The following SPATA16 variants were observed in gnomAD, a reference collection of about 807,000 sequenced individuals.
SPATA16 encodes spermatogenesis-associated protein 16.
In SPATA16, 36 loss-of-function variants were observed where a neutral mutation model predicts 63.3. The ratio of observed to expected loss-of-function variants is 0.57; its 90% CI spans 0.44 to 0.75. The LOEUF (loss-of-function observed/expected upper bound fraction) is 0.75, where lower values mean the gene tolerates loss of function less well. Ranked by LOEUF, SPATA16 falls within the 30% of genes least tolerant of loss-of-function variation. SPATA16 has a pLI of 0.00. For missense variants in SPATA16, 646 were observed against 679.3 expected (o/e 0.95, Z 0.54); for synonymous variants, 203 against 216.7 (o/e 0.94, Z 0.56).
intron 2 of SPATA16, among the ~76,000 whole-genome samples, chr3:173,104,826 A>G (rs1380007605): frequency 1.3e-5 from 2 of 152,150 alleles, no homozygotes; most frequent in African/African-American, 2.4e-5. Flanking sequence ...CCCTCTCTCT[A>G]TGGACTCTTT....
chr3:173,090,876 A>C (rs1244064368), intron 2 of SPATA16, among the ~76,000 whole-genome samples: 4 of 152,194 alleles, frequency 2.6e-5, no homozygotes, highest in African/African-American at 9.7e-5. Context: ...GCAAGATTGC[A>C]TGTAATCACT....
At chr3:172,928,035 G>C (rs190543619) in intron 6 of SPATA16, among the ~76,000 whole-genome samples, 2 of 151,784 alleles carry the variant, frequency 1.3e-5, no homozygotes, top group East Asian at 3.9e-4. Flanking sequence ...TCAGCCTCCC[G>C]AGTAGCTAGG....
rs147179933 is a variant in SPATA16 at position 173,131,267 on chromosome 3, T to G, written c.-19+9836A>C. On this transcript the variant is annotated intron_variant, in intron 1 of 10. Transcript: ENST00000351008. ...TCGTTCAAACAGTTACACGTTATAC[T>G]CTGCTTATGGGTGGGATGGAGTAGT... Among the ~76,000 whole-genome samples the G allele has an allele frequency of 3.2e-3, 494 of 152,352 alleles. 4 individuals carry two copies. The highest frequency in any genetic ancestry group is 3.5e-3 in the Non-Finnish European group (236 of 68,040).
At chr3:173,068,301 C>T (rs1160343230) in intron 2 of SPATA16, among the ~76,000 whole-genome samples, 2 of 151,970 alleles carry the variant, frequency 1.3e-5, no homozygotes, top group African/African-American at 4.8e-5. Context: ...TAGATATAGA[C>T]AGTATAAAAT....
intron 6 of SPATA16, among the ~76,000 whole-genome samples, chr3:172,934,132 T>C (rs1455778748): frequency 6.6e-6 from 1 of 152,102 alleles, no homozygotes; most frequent in East Asian, 1.9e-4. Context: ...TAATTATTAT[T>C]TTCCCACTTT....
chr3:172,918,183 G>A (rs1186373249), intron 8 of SPATA16, among the ~76,000 whole-genome samples: 3 of 152,312 alleles, frequency 2.0e-5, no homozygotes, highest in East Asian at 1.9e-4. Flanking sequence ...AGGAAAGCAA[G>A]TTGGAGGAGA....
intron 6 of SPATA16, among the ~76,000 whole-genome samples, chr3:172,935,300 C>G (rs1732957308): frequency 6.6e-6 from 1 of 152,042 alleles, no homozygotes; most frequent in Non-Finnish European, 1.5e-5. Context: ...TGCGAATAGC[C>G]ACTCAAAAAT....
chr3:173,012,773 TAACTC>T (rs1480762940), intron 4 of SPATA16, among the ~76,000 whole-genome samples: 2 of 152,128 alleles, frequency 1.3e-5, no homozygotes, highest in Admixed American at 6.5e-5. Flanking sequence ...ACACAAAAAT[TAACTC>T]AAGATGGATT....
At chr3:173,036,486 A>G (rs987906343) in intron 3 of SPATA16, among the ~76,000 whole-genome samples, 1 of 152,084 alleles carries the variant, frequency 6.6e-6, no homozygotes, top group Non-Finnish European at 1.5e-5. Flanking sequence ...AACAGGTAAT[A>G]TTACTAACTC....
chr3:173,042,616 C>T (rs1252543853), intron 3 of SPATA16, among the ~76,000 whole-genome samples: 1 of 152,130 alleles, frequency 6.6e-6, no homozygotes. Context: ...CAATAAAACA[C>T]AAACCTGATA....
intron 8 of SPATA16, among the ~76,000 whole-genome samples, chr3:172,918,637 TAAAG>T (rs1732551759): frequency 6.6e-6 from 1 of 151,886 alleles, no homozygotes; most frequent in African/African-American, 2.4e-5. Context: ...TTTAAGGAAA[TAAAG>T]AAAATAATAA....
chr3:173,075,008 A>AAAAAAAAAG (rs1560114977), intron 2 of SPATA16, among the ~76,000 whole-genome samples: 1 of 146,128 alleles, frequency 6.8e-6, no homozygotes, highest in Non-Finnish European at 1.5e-5. Flanking sequence ...AAAAAAAAAA[A>AAAAAAAAAG]AAAAGGAAAG....
At chr3:173,137,029 C>A (rs1439373857) in intron 1 of SPATA16, among the ~76,000 whole-genome samples, 3 of 152,194 alleles carry the variant, frequency 2.0e-5, no homozygotes, top group South Asian at 4.1e-4. Context: ...TTTAAATAAT[C>A]CCTCTCTACA....
intron 1 of SPATA16, among the ~76,000 whole-genome samples, chr3:173,122,157 G>C (rs1321719720): frequency 6.6e-6 from 1 of 151,770 alleles, no homozygotes; most frequent in Admixed American, 6.6e-5. Context: ...ATATTGACAG[G>C]CAACATTGGA....
chr3:173,117,071 C>G (rs1317734611), intron 2 of SPATA16, 49 bp downstream of exon 2: 1 of 1,578,416 alleles, frequency 6.3e-7, no homozygotes, highest in African/African-American at 1.3e-5. Flanking sequence ...TTGCAACTTT[C>G]CATTTCATAG....
intron 5 of SPATA16, among the ~76,000 whole-genome samples, chr3:172,974,240 C>A (rs1734106700): frequency 6.6e-6 from 1 of 151,802 alleles, no homozygotes; most frequent in Non-Finnish European, 1.5e-5. Context: ...GAAGAATAAC[C>A]AACTAAAATG....
chr3:173,006,328 A>G (rs1257546878), intron 4 of SPATA16, among the ~76,000 whole-genome samples: 1 of 152,262 alleles, frequency 6.6e-6, no homozygotes, highest in African/African-American at 2.4e-5. Flanking sequence ...GAGAATGGTG[A>G]AATGCCTTGA....
chr3:172,984,334 C>T (rs1177940091), intron 4 of SPATA16, among the ~76,000 whole-genome samples: 1 of 152,112 alleles, frequency 6.6e-6, no homozygotes, highest in Non-Finnish European at 1.5e-5. Flanking sequence ...AGTTGTTGCT[C>T]AGTAAATTTT....
intron 2 of SPATA16, among the ~76,000 whole-genome samples, chr3:173,082,163 T>C (rs1410800231): frequency 7.2e-5 from 11 of 152,148 alleles, no homozygotes; most frequent in Admixed American, 5.9e-4. Context: ...CCCCAACATT[T>C]GCAGGGCCTG....
Sources: gnomAD v4.1 joint callset for allele counts (sites outside exome capture counted in the v4.1 genomes callset) on GRCh38, gnomAD v4.1.1 for gene constraint, MANE v1.5 for transcripts, NCBI Gene and HGNC (gene_info 2026-07-23, HGNC 2026-07-21) for gene names.